The following CYTH1 variants were observed in gnomAD, a reference collection of about 807,000 sequenced individuals.
CYTH1 encodes the protein cytohesin-1.
CYTH1 carries 18 observed loss-of-function variants against 61.8 expected under a neutral mutation model. The ratio of observed to expected loss-of-function variants is 0.29; its 90% CI spans 0.20 to 0.43. The LOEUF is 0.43. CYTH1 is among the 20% of genes least tolerant of loss of function. The probability of loss-of-function intolerance (pLI) is 1.00; values close to 1 mark genes in which losing one functional copy is unlikely to be tolerated. For synonymous variants in CYTH1, 174 were observed against 184.3 expected (o/e 0.94, Z 0.45); for missense variants, 336 against 510.5 (o/e 0.66, Z 3.29).
chr17:78,711,072 C>G (rs1484533327), intron 1 of CYTH1, among the ~76,000 whole-genome samples: 1 of 151,860 alleles, frequency 6.6e-6, no homozygotes, highest in Non-Finnish European at 1.5e-5. Context: ...ACCATCCTGG[C>G]TAACATGGTG....
intron 7 of CYTH1, among the ~76,000 whole-genome samples, chr17:78,699,277 T>C (rs1032836253): frequency 2.0e-5 from 3 of 151,834 alleles, no homozygotes; most frequent in Admixed American, 6.6e-5. Flanking sequence ...GGCAGGAGAA[T>C]TGCTTGAACC....
At chr17:78,704,054 C>T (rs1323105871) in intron 3 of CYTH1, among the ~76,000 whole-genome samples, 1 of 152,186 alleles carries the variant, frequency 6.6e-6, no homozygotes, top group Non-Finnish European at 1.5e-5. Context: ...AATGCAGATT[C>T]ACAGACCAAG....
chr17:78,763,473 C>G (rs111267636), intron 1 of CYTH1, among the ~76,000 whole-genome samples: 2 of 152,070 alleles, frequency 1.3e-5, no homozygotes, highest in Admixed American at 6.6e-5. Flanking sequence ...CAAGACCCCC[C>G]ACGGATGCCT....
rs529597242 is a variant in CYTH1, at chr17:78,709,620, G to A, written c.105+30C>T. 23 of 1,609,750 alleles carry A rather than the reference G, an allele frequency of 1.4e-5. No homozygotes were observed. In the East Asian group the frequency reaches 4.0e-4, roughly 28 times the overall value. On this transcript the variant is annotated intron_variant, in intron 2 of 13. Transcript: ENST00000446868. ...ATGGAACTGTCACTGTGGTTCTTACGTTGGTGAAACCACCATGCCACTCTC... is the reference window on the plus strand; with the variant it reads ...ATGGAACTGTCACTGTGGTTCTTACATTGGTGAAACCACCATGCCACTCTC...
chr17:78,697,616 A>G (rs1022090941), intron 9 of CYTH1, among the ~76,000 whole-genome samples: 11 of 150,716 alleles, frequency 7.3e-5, no homozygotes, highest in Admixed American at 1.3e-4. Context: ...AAAAAAAAGA[A>G]AAAAAAAAAA....
At chr17:78,721,817 G>T (rs533965823) in intron 1 of CYTH1, among the ~76,000 whole-genome samples, 1 of 152,156 alleles carries the variant, frequency 6.6e-6, no homozygotes, top group South Asian at 2.1e-4. Flanking sequence ...GCCGAGGCTC[G>T]TGGATCACTT....
chr17:78,760,574 TAC>T (rs1334332595), intron 1 of CYTH1, among the ~76,000 whole-genome samples: 1 of 29,006 alleles, frequency 3.4e-5, no homozygotes, highest in Non-Finnish European at 8.1e-5. Context: ...TATATACACA[TAC>T]ATATATATGT....
intron 10 of CYTH1, among the ~76,000 whole-genome samples, chr17:78,695,237 G>C (rs577013294): frequency 4.6e-5 from 7 of 152,296 alleles, no homozygotes; most frequent in African/African-American, 1.4e-4. Context: ...CCAGGAGACC[G>C]ATTCGGGGCT....
At chr17:78,736,469 C>T (rs1055682632) in intron 1 of CYTH1, among the ~76,000 whole-genome samples, 1 of 152,060 alleles carries the variant, frequency 6.6e-6, no homozygotes, top group Non-Finnish European at 1.5e-5. Flanking sequence ...CACACACACC[C>T]GAGAGAGCCT....
chr17:78,745,982 T>C (rs16971681), intron 1 of CYTH1, among the ~76,000 whole-genome samples: 8,133 of 152,274 alleles, frequency 0.053, 396 homozygotes, highest in South Asian at 0.15. Context: ...TGCCAGTTCC[T>C]ATGTGTATAT....
chr17:78,708,520 G>A (rs1413408902), intron 2 of CYTH1, among the ~76,000 whole-genome samples: 2 of 152,200 alleles, frequency 1.3e-5, no homozygotes, highest in African/African-American at 2.4e-5. Flanking sequence ...TACGGTCTAG[G>A]AAAGTTTATA....
intron 2 of CYTH1, among the ~76,000 whole-genome samples, 161 bp from the exon 3 acceptor site, chr17:78,708,422 A>AGAAATATTTATT (rs1032806605): frequency 1.3e-5 from 2 of 152,258 alleles, no homozygotes; most frequent in Admixed American, 1.3e-4. Context: ...TTCATGTTTC[A>AGAAATATTTATT]GAAATATTTA....
At chr17:78,777,873 GTCCTAGGCTGA>G (rs1286188301) in intron 1 of CYTH1, among the ~76,000 whole-genome samples, 1 of 151,182 alleles carries the variant, frequency 6.6e-6, no homozygotes, top group Non-Finnish European at 1.5e-5. Context: ...AGTGGTACCT[GTCCTAGGCTGA>G]TTCACAAAAC....
intron 10 of CYTH1, 40 bp from the exon 11 acceptor site, chr17:78,692,533 C>A (rs1349976697): frequency 3.1e-6 from 5 of 1,598,954 alleles, no homozygotes; most frequent in Non-Finnish European, 4.3e-6. Flanking sequence ...CAAGAGACAA[C>A]CAGACAAGTG....
At chr17:78,770,350 GAAAAGA>G (rs1230792851) in intron 1 of CYTH1, among the ~76,000 whole-genome samples, 27 of 95,090 alleles carry the variant, frequency 2.8e-4, no homozygotes, top group Admixed American at 5.0e-4. Context: ...GAAAAGAAAA[GAAAAGA>G]AAAAAAAAAA....
chr17:78,766,801 G>A (rs1216326752), intron 1 of CYTH1, among the ~76,000 whole-genome samples: 1 of 152,118 alleles, frequency 6.6e-6, no homozygotes, highest in African/African-American at 2.4e-5. Flanking sequence ...GTATGTAAAA[G>A]TACAAGACAT....
In CYTH1 at chr17:78,718,222, C is replaced by T. The variant is rs1263766204; in HGVS notation, c.23-8490G>A. On this transcript the variant is annotated intron_variant, in intron 1 of 13. Transcript: ENST00000446868. ...GGAAGTTTCATAAACACTGAATACA[C>T]ACACACACACACACACACACACACA... Among the ~76,000 whole-genome samples, 274 of 43,116 alleles carry T rather than the reference C, an allele frequency of 6.4e-3. 5 individuals are homozygous for T. In the South Asian group the frequency reaches 0.11, roughly 17 times the overall value. 28.3% of individuals were successfully genotyped at this position (43,116 alleles called of 152,430 possible).
At chr17:78,698,165 A>G (rs983402540) in intron 9 of CYTH1, 104 bp downstream of exon 9, 207 of 953,848 alleles carry the variant, frequency 2.2e-4, no homozygotes, top group Non-Finnish European at 3.1e-4. Context: ...ATGCACACGC[A>G]CAAACACGCA....
intron 1 of CYTH1, among the ~76,000 whole-genome samples, chr17:78,780,164 G>A (rs989620151): frequency 6.6e-6 from 1 of 152,240 alleles, no homozygotes. Context: ...GTGGGCAGGA[G>A]TGAAATCTGG....
Sources: gnomAD v4.1 joint callset for allele counts (sites outside exome capture counted in the v4.1 genomes callset) on GRCh38, gnomAD v4.1.1 for gene constraint, MANE v1.5 for transcripts, NCBI Gene and HGNC (gene_info 2026-07-23, HGNC 2026-07-21) for gene names.